CDH9: variants seen among roughly 807,000 people sequenced by gnomAD.
The protein encoded by CDH9 is cadherin-9.
Under a neutral mutation model 70.9 loss-of-function variants are expected in CDH9, and 28 were observed. That is an observed-to-expected ratio of 0.40 (90% CI 0.29 to 0.54). The LOEUF (loss-of-function observed/expected upper bound fraction) is 0.54, where lower values mean the gene tolerates loss of function less well. Among genes scored for constraint, CDH9 ranks in the 20% least tolerant of loss-of-function variants. The pLI is 0.59. For missense variants in CDH9, 874 were observed against 984.4 expected, an observed-to-expected ratio of 0.89 and a Z score of 1.50; for synonymous variants, 409 against 343.1, an observed-to-expected ratio of 1.19 and a Z score of -2.12.
At chr5:26,940,613 T>G (rs1357203666) in intron 2 of CDH9, among the ~76,000 whole-genome samples, 1 of 152,180 alleles carries the variant, frequency 6.6e-6, no homozygotes, top group Non-Finnish European at 1.5e-5. Context: ...AATAACACCC[T>G]AGTAGATATC....
At chr5:27,012,758 A>C (rs1742980498) in intron 1 of CDH9, among the ~76,000 whole-genome samples, 1 of 152,186 alleles carries the variant, frequency 6.6e-6, no homozygotes, top group Admixed American at 6.6e-5. Context: ...GTGTAAAAAC[A>C]CATTAGCATG....
chr5:26,892,985 G>A (rs1274067614), intron 7 of CDH9, among the ~76,000 whole-genome samples: 2 of 152,026 alleles, frequency 1.3e-5, no homozygotes, highest in East Asian at 1.9e-4. Context: ...CGCCTGCCTT[G>A]GCCTCCCAAA....
At chr5:27,016,559 T>A (rs903170190) in intron 1 of CDH9, among the ~76,000 whole-genome samples, 12 of 151,912 alleles carry the variant, frequency 7.9e-5, no homozygotes, top group Non-Finnish European at 1.5e-4. Flanking sequence ...CATTTCAGAA[T>A]CTGAGAATTT....
chr5:26,956,081 A>T (rs1282662401), intron 2 of CDH9, among the ~76,000 whole-genome samples: 3 of 152,250 alleles, frequency 2.0e-5, no homozygotes, highest in East Asian at 3.9e-4. Flanking sequence ...TTGGTACTTG[A>T]TAAGATTTGG....
intron 7 of CDH9, among the ~76,000 whole-genome samples, chr5:26,898,958 C>G (rs2111983193): frequency 6.6e-6 from 1 of 152,182 alleles, no homozygotes; most frequent in South Asian, 2.1e-4. Flanking sequence ...CTACAAAGAA[C>G]TTAAACAAAT....
At chr5:26,962,427 C>A (rs1742052909) in intron 2 of CDH9, among the ~76,000 whole-genome samples, 1 of 152,172 alleles carries the variant, frequency 6.6e-6, no homozygotes, top group Non-Finnish European at 1.5e-5. Context: ...AATTAATTTA[C>A]ACTCGCGCCA....
chr5:26,968,990 C>T (rs1180971741), intron 2 of CDH9, among the ~76,000 whole-genome samples: 4 of 152,156 alleles, frequency 2.6e-5, no homozygotes, highest in East Asian at 1.9e-4. Context: ...TATTAGCTGA[C>T]GTTTGCCCTC....
At chr5:27,033,342 T>G (rs1045890117) in intron 1 of CDH9, among the ~76,000 whole-genome samples, 1 of 151,478 alleles carries the variant, frequency 6.6e-6, no homozygotes, top group Non-Finnish European at 1.5e-5. Context: ...TCATTGTGCT[T>G]TCTTTCTGTT....
At chr5:26,883,919 A>C (rs1740517016) in intron 11 of CDH9, among the ~76,000 whole-genome samples, 1 of 152,146 alleles carries the variant, frequency 6.6e-6, no homozygotes, top group African/African-American at 2.4e-5. Context: ...TATTATTGTC[A>C]GTGCTATGTC....
At chr5:26,999,506 T>C (rs1742727281) in intron 1 of CDH9, among the ~76,000 whole-genome samples, 6 of 152,146 alleles carry the variant, frequency 3.9e-5, no homozygotes. Context: ...GTAATCATGA[T>C]AGCATGGTAT....
chr5:26,883,012 T>G (rs1189294465), intron 11 of CDH9, among the ~76,000 whole-genome samples: 1 of 131,770 alleles, frequency 7.6e-6, no homozygotes, highest in East Asian at 2.2e-4. Flanking sequence ...AGAATGGGCT[T>G]TGGAAGCTGA....
chr5:26,885,868 G>A lies in CDH9; in HGVS notation c.1631-3C>T. 1.2e-6 allele frequency: 2 copies of A among 1,611,670 alleles called. No homozygotes were observed. Among genetic ancestry groups the A allele is most frequent in the Admixed American group, 1.7e-5 (1 of 59,740 alleles). On this transcript the variant is annotated splice_region_variant and splice_polypyrimidine_tract_variant and intron_variant, in intron 10 of 11. Coordinates refer to ENST00000231021, the MANE Select transcript of CDH9 (RefSeq NM_016279.4). Reference sequence around the variant, plus strand: ...AGTCATGATTCCTGCTGTATTATCTGGGGGAGAAAACATGTAAAAAAACAA... The same window carrying A: ...AGTCATGATTCCTGCTGTATTATCTAGGGGAGAAAACATGTAAAAAAACAA...
intron 2 of CDH9, among the ~76,000 whole-genome samples, chr5:26,937,334 C>G (rs1741576751): frequency 6.6e-6 from 1 of 152,110 alleles, no homozygotes; most frequent in Non-Finnish European, 1.5e-5. Context: ...ACACTCCTAT[C>G]AGAATGCATA....
In CDH9 at chr5:27,034,757, C is replaced by T. The variant is rs145048299; in HGVS notation, c.-50+3706G>A. Among the ~76,000 whole-genome samples the T allele has an allele frequency of 1.1e-4, 16 of 151,598 alleles. No homozygotes were observed. The East Asian group carries it at 2.9e-3, about 28-fold the overall frequency. On this transcript the variant is annotated intron_variant, in intron 1 of 11. Coordinates refer to ENST00000231021, the MANE Select transcript of CDH9 (RefSeq NM_016279.4). ...TCCAGAGACCCTGCTTTTGTTCAGG[C>T]ACTTTGCATTTGTAATGTGGCTAGA...
At chr5:26,966,427 C>T (rs938194864) in intron 2 of CDH9, among the ~76,000 whole-genome samples, 2 of 152,188 alleles carry the variant, frequency 1.3e-5, no homozygotes, top group Admixed American at 1.3e-4. Flanking sequence ...GTTATTCAAA[C>T]TATTCTTCTG....
intron 2 of CDH9, among the ~76,000 whole-genome samples, chr5:26,917,008 G>A (rs969731902): frequency 9.2e-5 from 14 of 151,738 alleles, no homozygotes; most frequent in African/African-American, 3.4e-4. Context: ...CTTAATGTAG[G>A]AGGCTGATCA....
At chr5:27,000,323 C>G (rs558137488) in intron 1 of CDH9, among the ~76,000 whole-genome samples, 1 of 152,160 alleles carries the variant, frequency 6.6e-6, no homozygotes, top group South Asian at 2.1e-4. Flanking sequence ...TATGACATAC[C>G]TATTATATCT....
chr5:26,953,914 C>G (rs944588845), intron 2 of CDH9, among the ~76,000 whole-genome samples: 1 of 151,922 alleles, frequency 6.6e-6, no homozygotes, highest in African/African-American at 2.4e-5. Flanking sequence ...TAAAATGCAC[C>G]CATAGCTTTT....
chr5:26,940,874 C>A (rs1302634414), intron 2 of CDH9, among the ~76,000 whole-genome samples: 1 of 152,166 alleles, frequency 6.6e-6, no homozygotes, highest in Non-Finnish European at 1.5e-5. Context: ...TTTAGTAAAA[C>A]TAATTCAGAA....
Sources: gnomAD v4.1 joint callset for allele counts (sites outside exome capture counted in the v4.1 genomes callset) on GRCh38, gnomAD v4.1.1 for gene constraint, MANE v1.5 for transcripts, NCBI Gene and HGNC (gene_info 2026-07-23, HGNC 2026-07-21) for gene names.